The following ARHGAP6 variants were observed in gnomAD, a reference collection of about 807,000 sequenced individuals.
The protein encoded by ARHGAP6 is Rho GTPase activating protein 6, also known as rho GTPase-activating protein 6.
In ARHGAP6, 16 loss-of-function variants were observed where a neutral mutation model predicts 55.7. The ratio of observed to expected loss-of-function variants is 0.29; its 90% confidence interval spans 0.19 to 0.44. The LOEUF is 0.44. Among genes scored for constraint, ARHGAP6 ranks in the 20% least tolerant of loss-of-function variants. The probability of loss-of-function intolerance (pLI) is 1.00; values close to 1 mark genes in which losing one functional copy is unlikely to be tolerated. For synonymous variants in ARHGAP6, 382 were observed against 360.9 expected (o/e 1.06, Z -0.66); for missense variants, 698 against 808.9 (o/e 0.86, Z 1.66).
chrX:11,221,757 A>T (rs1345597857), intron 2 of ARHGAP6, among the ~76,000 whole-genome samples: 1 of 111,579 alleles, frequency 9.0e-6, no homozygotes, highest in Non-Finnish European at 1.9e-5. Context: ...CAGGTTTGTT[A>T]TATAGATAAA....
chrX:11,311,993 TA>T (rs201708491), intron 1 of ARHGAP6, among the ~76,000 whole-genome samples: 19 of 107,732 alleles, frequency 1.8e-4, no homozygotes, highest in East Asian at 1.7e-3. Context: ...ATGAGGCTGA[TA>T]AAAAAAAAAT....
At chrX:11,603,965 T>C (rs1375033564) in intron 1 of ARHGAP6, among the ~76,000 whole-genome samples, 1 of 112,189 alleles carries the variant, frequency 8.9e-6, no homozygotes, top group Non-Finnish European at 1.9e-5. Context: ...ATTCAGTGTC[T>C]CTGCTTTAGA....
At chrX:11,502,682 A>T (rs1439968566) in intron 1 of ARHGAP6, among the ~76,000 whole-genome samples, 1 of 111,635 alleles carries the variant, frequency 9.0e-6, no homozygotes, top group Non-Finnish European at 1.9e-5. Context: ...CTTCTACTTA[A>T]TGAATACTAA....
chrX:11,515,889 G>C (rs1351516584), intron 1 of ARHGAP6, among the ~76,000 whole-genome samples: 2 of 112,626 alleles, frequency 1.8e-5, no homozygotes, highest in South Asian at 7.2e-4. Flanking sequence ...TACTAAAATG[G>C]AGTCAAAAGC....
chrX:11,587,258 A>G (rs2051745631), intron 1 of ARHGAP6, among the ~76,000 whole-genome samples: 1 of 111,679 alleles, frequency 9.0e-6, no homozygotes, highest in Non-Finnish European at 1.9e-5. Context: ...GCTGGTTTTC[A>G]AGAGGAATGC....
intron 1 of ARHGAP6, among the ~76,000 whole-genome samples, chrX:11,518,122 T>C (rs990519994): frequency 3.6e-5 from 4 of 111,650 alleles, no homozygotes; most frequent in Admixed American, 1.9e-4. Context: ...CAGTTTGTCC[T>C]CCTGTCTTCA....
chrX:11,268,169 T>A (rs1324518970), intron 1 of ARHGAP6, among the ~76,000 whole-genome samples: 1 of 111,947 alleles, frequency 8.9e-6, no homozygotes, highest in African/African-American at 3.2e-5. Context: ...ATTTTGCACA[T>A]TTAAGGCAAA....
intron 1 of ARHGAP6, among the ~76,000 whole-genome samples, chrX:11,382,116 T>A (rs1177651384): frequency 2.7e-5 from 3 of 111,496 alleles, no homozygotes; most frequent in Non-Finnish European, 5.7e-5. Context: ...ACAAAGATGA[T>A]AATGGTGATG....
intron 1 of ARHGAP6, among the ~76,000 whole-genome samples, chrX:11,350,433 G>A (rs1484531914): frequency 8.9e-6 from 1 of 112,276 alleles, no homozygotes; most frequent in Non-Finnish European, 1.9e-5. Context: ...GGAAGGGGCT[G>A]AAGGGCCCCA....
chrX:11,290,490 CAAAAAAAA>C (rs746332445), intron 1 of ARHGAP6: 1 of 177,230 alleles, frequency 5.6e-6, no homozygotes, highest in Non-Finnish European at 9.5e-6. Context: ...TCTACCCCAG[CAAAAAAAA>C]AAAAAAAAAA....
chrX:11,214,137 T>A (rs2046843670), intron 2 of ARHGAP6, among the ~76,000 whole-genome samples: 2 of 110,385 alleles, frequency 1.8e-5, no homozygotes, highest in Admixed American at 1.9e-4. Flanking sequence ...AATTTATCTA[T>A]GAATATAAAA....
intron 1 of ARHGAP6, among the ~76,000 whole-genome samples, chrX:11,453,309 G>GTA: frequency 1.1e-5 from 1 of 91,878 alleles, no homozygotes; most frequent in Non-Finnish European, 2.1e-5. Flanking sequence ...TATATATATA[G>GTA]TATATATATA....
chrX:11,523,453 T>G (rs1370190560), intron 1 of ARHGAP6, among the ~76,000 whole-genome samples: 1 of 111,790 alleles, frequency 8.9e-6, no homozygotes, highest in African/African-American at 3.3e-5. Context: ...TTGTCCCTGT[T>G]TGCAGATGAC....
intron 1 of ARHGAP6, among the ~76,000 whole-genome samples, chrX:11,581,448 T>C (rs1239662409): frequency 9.0e-6 from 1 of 111,573 alleles, no homozygotes; most frequent in African/African-American, 3.3e-5. Context: ...CATACATCCA[T>C]ACAAAAATGT....
At chrX:11,580,009 G>A (rs1358940990) in intron 1 of ARHGAP6, among the ~76,000 whole-genome samples, 6 of 110,842 alleles carry the variant, frequency 5.4e-5, no homozygotes, top group Admixed American at 3.9e-4. Context: ...AACAGAATGC[G>A]CCTCCAAATT....
At chrX:11,524,912 A>G (rs2050973559) in intron 1 of ARHGAP6, among the ~76,000 whole-genome samples, 1 of 111,463 alleles carries the variant, frequency 9.0e-6, no homozygotes, top group Non-Finnish European at 1.9e-5. Context: ...GAGTCTCATA[A>G]GGCATGTGCC....
intron 1 of ARHGAP6, among the ~76,000 whole-genome samples, chrX:11,261,825 G>A (rs1178143703): frequency 1.8e-5 from 2 of 111,463 alleles, no homozygotes; most frequent in Non-Finnish European, 3.8e-5. Flanking sequence ...CTGGGGCAGC[G>A]TTTGATACTG....
At chrX:11,176,276 T>TGC (rs1243530348) in intron 8 of ARHGAP6, among the ~76,000 whole-genome samples, 6 of 71,382 alleles carry the variant, frequency 8.4e-5, no homozygotes, top group African/African-American at 1.9e-4. Flanking sequence ...TGCATATATT[T>TGC]ATATATTTAT....
intron 1 of ARHGAP6, among the ~76,000 whole-genome samples, chrX:11,625,286 AGT>A (rs56128798): frequency 0.017 from 1,662 of 97,854 alleles, 10 homozygotes; most frequent in Non-Finnish European, 0.024. Context: ...GAAAATGTGG[AGT>A]GTGTGTGTGT....
Sources: gnomAD v4.1 joint callset for allele counts (sites outside exome capture counted in the v4.1 genomes callset) on GRCh38, gnomAD v4.1.1 for gene constraint, MANE v1.5 for transcripts, NCBI Gene and HGNC (gene_info 2026-07-23, HGNC 2026-07-21) for gene names.